Variants in RFX8 observed in about 807,000 individuals in gnomAD.
The protein encoded by RFX8 is DNA-binding protein RFX8.
In RFX8, 46 loss-of-function variants were observed where a neutral mutation model predicts 54.6. The observed-to-expected ratio is 0.84, with a 90% CI of 0.67 to 1.08. The LOEUF (loss-of-function observed/expected upper bound fraction) is 1.08. RFX8 is among the 50% of genes least tolerant of loss of function. RFX8 has a pLI of 0.00. For synonymous variants in RFX8, 192 were observed against 209.5 expected (o/e 0.92, Z 0.72); for missense variants, 536 against 562.3 (o/e 0.95, Z 0.47).
chr2:101,445,393 G>T (rs1029772670), intron 2 of RFX8, among the ~76,000 whole-genome samples: 33 of 152,012 alleles, frequency 2.2e-4, no homozygotes, highest in African/African-American at 7.7e-4. Context: ...CACATCTCGC[G>T]ATTGTTCCTT....
chr2:101,437,269 CT>C (rs1238901970), intron 2 of RFX8, among the ~76,000 whole-genome samples: 4 of 151,436 alleles, frequency 2.6e-5, no homozygotes, highest in African/African-American at 4.9e-5. Context: ...AGACCCGTCT[CT>C]TACAAAAAAA....
chr2:101,415,637 C>A (rs549772752), intron 6 of RFX8, among the ~76,000 whole-genome samples: 28 of 151,688 alleles, frequency 1.8e-4, no homozygotes, highest in African/African-American at 6.8e-4. Flanking sequence ...ATTCATTTGA[C>A]AAATATATGG....
Position 101,417,469 on chromosome 2 carries a change from G to A in RFX8, c.502+65C>T, listed in dbSNP as rs1686595184. 7 of 1,453,082 alleles carry A rather than the reference G, an allele frequency of 4.8e-6. No individual in the cohort carries two copies. In the East Asian group the frequency reaches 1.5e-4, roughly 31 times the overall value. The allele number at this position is 1,453,082 out of a possible 1,614,324, so 90.0% of individuals were successfully genotyped here. ...GATCCTCCTGCCTCGGCCTTCCAAA[G>A]TGCTGGGATTACAGGCATGAGCCAC... On this transcript the variant is annotated intron_variant, in intron 6 of 11. Coordinates refer to ENST00000428343, the MANE Select transcript of RFX8 (RefSeq NM_001145664.2).
At chr2:101,440,016 C>T (rs904119370) in intron 2 of RFX8, among the ~76,000 whole-genome samples, 1 of 151,922 alleles carries the variant, frequency 6.6e-6, no homozygotes, top group African/African-American at 2.4e-5. Flanking sequence ...CATTTTATTC[C>T]TTTTCATCAA....
intron 6 of RFX8, 123 bp from the exon 7 acceptor site, chr2:101,415,035 A>G: frequency 1.5e-6 from 1 of 672,442 alleles, no homozygotes; most frequent in Non-Finnish European, 2.6e-6. Flanking sequence ...AACTTCCCCC[A>G]CCCCCGTGTC....
rs140588847 is a variant in RFX8, at chr2:101,409,428, G to A, written c.813+1191C>T. Among the ~76,000 whole-genome samples the A allele has an allele frequency of 3.2e-3, 482 of 151,904 alleles. 3 individuals are homozygous for A. The highest frequency in any genetic ancestry group is 0.011 in the African/African-American group (454 of 41,416). On this transcript the variant is annotated intron_variant, in intron 9 of 11. Transcript: ENST00000428343. ...TTTTTAGTAGAGACGGGGTTTCACCGTGTTAGCCAGAATGGTCTCCATCTC... is the reference window on the plus strand; with the variant it reads ...TTTTTAGTAGAGACGGGGTTTCACCATGTTAGCCAGAATGGTCTCCATCTC...
At chr2:101,437,780 TTTTACTTAAATTCC>T (rs1687861047) in intron 2 of RFX8, among the ~76,000 whole-genome samples, 1 of 12,446 alleles carries the variant, frequency 8.0e-5, no homozygotes, top group African/African-American at 1.7e-4. Context: ...ATTTCCCAAG[TTTTACTTAAATTCC>T]CCAAGTTTTA....
chr2:101,445,390 C>T (rs961375048), intron 2 of RFX8, among the ~76,000 whole-genome samples: 1 of 151,982 alleles, frequency 6.6e-6, no homozygotes, highest in Non-Finnish European at 1.5e-5. Context: ...GGCCACATCT[C>T]GCGATTGTTC....
At chr2:101,474,087 G>A (rs1690161672) in intron 1 of RFX8, 6 of 503,588 alleles carry the variant, frequency 1.2e-5, no homozygotes, top group Non-Finnish European at 1.7e-5. Context: ...GCCTGGGGCC[G>A]CTCCTCACAC....
At chr2:101,466,470 G>T (rs1689579586) in intron 2 of RFX8, among the ~76,000 whole-genome samples, 1 of 152,194 alleles carries the variant, frequency 6.6e-6, no homozygotes, top group South Asian at 2.1e-4. Context: ...GCACTTCTAT[G>T]CAGGGAATAC....
chr2:101,416,760 C>T (rs751509752), intron 6 of RFX8, among the ~76,000 whole-genome samples: 4 of 152,070 alleles, frequency 2.6e-5, no homozygotes, highest in Non-Finnish European at 4.4e-5. Context: ...GCTGCAGGGA[C>T]ACAAAGAGGA....
At chr2:101,466,423 T>A (rs10176042) in intron 2 of RFX8, among the ~76,000 whole-genome samples, 1 of 151,992 alleles carries the variant, frequency 6.6e-6, no homozygotes, top group Non-Finnish European at 1.5e-5. Flanking sequence ...AAAGTGGCTC[T>A]CAGCTTGTGT....
intron 2 of RFX8, among the ~76,000 whole-genome samples, chr2:101,426,474 G>A (rs998849790): frequency 2.6e-5 from 4 of 152,142 alleles, no homozygotes; most frequent in Admixed American, 2.0e-4. Flanking sequence ...AGCTGTGATC[G>A]TGCCACTGCT....
intron 9 of RFX8, among the ~76,000 whole-genome samples, chr2:101,407,090 C>T (rs1685783950): frequency 6.6e-6 from 1 of 152,238 alleles, no homozygotes; most frequent in Admixed American, 6.5e-5. Flanking sequence ...ATGCTCCAAG[C>T]CTCTTCTCAT....
At chr2:101,429,120 A>G in intron 2 of RFX8, 2 of 684,026 alleles carry the variant, frequency 2.9e-6, no homozygotes, top group Non-Finnish European at 5.1e-6. Flanking sequence ...GTTTAGGGGT[A>G]TAACTTTTAT....
chr2:101,422,979 CG>C (rs1004757032), intron 2 of RFX8, among the ~76,000 whole-genome samples: 1 of 152,066 alleles, frequency 6.6e-6, no homozygotes, highest in African/African-American at 2.4e-5. Context: ...ATTACAGGCC[CG>C]GGCATGGTGG....
At chr2:101,452,386 T>C in intron 2 of RFX8, 1 of 1,427,956 alleles carries the variant, frequency 7.0e-7, no homozygotes, top group Non-Finnish European at 9.2e-7. Context: ...TAAACCTACC[T>C]GGCACTTCCT....
chr2:101,441,935 A>G (rs1688120276), intron 2 of RFX8, among the ~76,000 whole-genome samples: 1 of 152,162 alleles, frequency 6.6e-6, no homozygotes, highest in Non-Finnish European at 1.5e-5. Context: ...TAAGTCTGCC[A>G]TTTTATTACT....
At chr2:101,416,706 G>T (rs909525485) in intron 6 of RFX8, among the ~76,000 whole-genome samples, 4 of 152,140 alleles carry the variant, frequency 2.6e-5, no homozygotes, top group East Asian at 1.9e-4. Flanking sequence ...AGGATGATCC[G>T]ACAGGGCATG....
Sources: gnomAD v4.1 joint callset for allele counts (sites outside exome capture counted in the v4.1 genomes callset) on GRCh38, gnomAD v4.1.1 for gene constraint, MANE v1.5 for transcripts, NCBI Gene and HGNC (gene_info 2026-07-23, HGNC 2026-07-21) for gene names.